Variants in UNC80 observed in about 807,000 individuals in gnomAD.
The protein encoded by UNC80 is unc-80 subunit of NALCN channel complex.
UNC80 carries 164 observed loss-of-function variants against 384.6 expected under a neutral mutation model. The ratio of observed to expected loss-of-function variants is 0.43; its 90% CI spans 0.38 to 0.49. The LOEUF is 0.49. Among genes scored for constraint, UNC80 ranks in the 20% least tolerant of loss-of-function variants. The probability of loss-of-function intolerance (pLI) is 0.00; values close to 1 mark genes in which losing one functional copy is unlikely to be tolerated. For missense variants in UNC80, 3,330 were observed against 4,143.0 expected (o/e 0.80, Z 5.39); for synonymous variants, 1,486 against 1,527.8 (o/e 0.97, Z 0.64).
chr2:209,783,395 C>T (rs1018826177), intron 4 of UNC80, among the ~76,000 whole-genome samples: 20 of 152,072 alleles, frequency 1.3e-4, no homozygotes, highest in African/African-American at 4.8e-4. Context: ...GTTAGGAAGA[C>T]TTACAAAGGA....
intron 39 of UNC80, 92 bp from the exon 40 acceptor site, chr2:209,935,619 ACAT>A: frequency 1.9e-6 from 1 of 521,578 alleles, no homozygotes; most frequent in Non-Finnish European, 3.2e-6. Context: ...AACAGTAAAA[ACAT>A]CAGCTTATTG....
chr2:209,970,808 T>C, intron 53 of UNC80, 24 bp from the exon 54 acceptor site: 1 of 1,549,824 alleles, frequency 6.5e-7, no homozygotes, highest in Non-Finnish European at 8.7e-7. Context: ...TCAAGGCTGG[T>C]CATGTGCTCT....
chr2:209,844,061 T>C lies in UNC80; in HGVS notation c.3454+1615T>C, dbSNP rs577465121. Among the ~76,000 whole-genome samples, 6 of 152,282 alleles carry C rather than the reference T, an allele frequency of 3.9e-5. No homozygotes were observed. In the South Asian group the frequency reaches 1.2e-3, roughly 32 times the overall value. On this transcript the variant is annotated intron_variant, in intron 21 of 64. Transcript: ENST00000673920. ...ATTAGTCTCTGTGGTTTTAAGAATC[T>C]TCCTAATAACCAGGACATTTGTCAT...
intron 55 of UNC80, 43 bp downstream of exon 55, chr2:209,972,367 G>A: frequency 5.8e-6 from 9 of 1,542,618 alleles, no homozygotes; most frequent in Non-Finnish European, 7.9e-6. Flanking sequence ...TTGTTGTTGT[G>A]TTCTCTTAAA....
intron 4 of UNC80, 58 bp from the exon 5 acceptor site, chr2:209,786,008 C>G (rs2077404718): frequency 1.3e-6 from 2 of 1,569,790 alleles, no homozygotes; most frequent in South Asian, 2.4e-5. Context: ...ATTGATTGGT[C>G]CCTTTAAGCA....
chr2:209,943,940 A>G (rs1311196173), intron 45 of UNC80, among the ~76,000 whole-genome samples: 3 of 152,178 alleles, frequency 2.0e-5, no homozygotes, highest in African/African-American at 7.2e-5. Context: ...AGCCTGACTT[A>G]GGCTGGCTTC....
At chr2:209,912,490 G>T in intron 29 of UNC80, 70 bp from the exon 30 acceptor site, 1 of 922,870 alleles carries the variant, frequency 1.1e-6, no homozygotes, top group South Asian at 2.6e-5. Context: ...GGAGAATTGC[G>T]GGGACATATA....
intron 2 of UNC80, among the ~76,000 whole-genome samples, chr2:209,775,054 C>T (rs1254795835): frequency 6.6e-6 from 1 of 152,142 alleles, no homozygotes; most frequent in East Asian, 1.9e-4. Flanking sequence ...CAATCCTGTT[C>T]TTACATGCCA....
intron 13 of UNC80, among the ~76,000 whole-genome samples, chr2:209,823,960 A>G (rs1470503466): frequency 6.6e-6 from 1 of 152,140 alleles, no homozygotes; most frequent in Admixed American, 6.6e-5. Flanking sequence ...ACCTGACCTC[A>G]TGTGACAAGT....
chr2:209,853,943 T>G (rs925866634), intron 22 of UNC80, among the ~76,000 whole-genome samples: 4 of 151,834 alleles, frequency 2.6e-5, no homozygotes, highest in Non-Finnish European at 5.9e-5. Flanking sequence ...TTAGAAGGAG[T>G]GCATATATAA....
chr2:209,954,000 T>G, intron 47 of UNC80, 100 bp from the exon 48 acceptor site: 2 of 1,315,290 alleles, frequency 1.5e-6, no homozygotes, highest in Non-Finnish European at 2.0e-6. Context: ...AGAATTCATA[T>G]ATCTCTAGAT....
intron 7 of UNC80, among the ~76,000 whole-genome samples, chr2:209,810,214 T>C (rs1489553141): frequency 6.6e-6 from 1 of 152,184 alleles, no homozygotes; most frequent in Non-Finnish European, 1.5e-5. Context: ...GTAATGGTTG[T>C]CACTTGTCGG....
chr2:209,931,275 T>G (rs544311734), intron 38 of UNC80, among the ~76,000 whole-genome samples: 3 of 152,100 alleles, frequency 2.0e-5, no homozygotes, highest in Admixed American at 2.0e-4. Context: ...AATATATAAC[T>G]TTCTTATGTT....
chr2:209,985,020 A>G (rs2093255664), intron 61 of UNC80, 108 bp downstream of exon 61: 1 of 928,792 alleles, frequency 1.1e-6, no homozygotes, highest in Non-Finnish European at 1.6e-6. Context: ...CCGTCTTAAT[A>G]TCTATTTCCA....
intron 45 of UNC80, 65 bp downstream of exon 45, chr2:209,943,579 T>C: frequency 1.3e-6 from 2 of 1,533,586 alleles, no homozygotes; most frequent in Non-Finnish European, 1.8e-6. Flanking sequence ...AGGTTATTTA[T>C]TAGAGCTTAC....
chr2:209,946,864 C>T (rs1197822602), intron 47 of UNC80, among the ~76,000 whole-genome samples: 2 of 152,206 alleles, frequency 1.3e-5, no homozygotes, highest in Non-Finnish European at 2.9e-5. Context: ...AAGCCTGTTT[C>T]TCTCTCCCAT....
chr2:209,821,792 G>A (rs1163258559), intron 13 of UNC80, among the ~76,000 whole-genome samples: 2 of 152,050 alleles, frequency 1.3e-5, no homozygotes, highest in Non-Finnish European at 2.9e-5. Flanking sequence ...GTTTCAGCTA[G>A]GAAATGATAT....
At chr2:209,965,070 G>A (rs2092705906) in intron 51 of UNC80, among the ~76,000 whole-genome samples, 1 of 152,066 alleles carries the variant, frequency 6.6e-6, no homozygotes, top group South Asian at 2.1e-4. Context: ...TAAATGATGT[G>A]ATGCTTGGAA....
chr2:209,896,178 C>G, intron 27 of UNC80, 135 bp from the exon 28 acceptor site: 1 of 723,590 alleles, frequency 1.4e-6, no homozygotes, highest in South Asian at 1.6e-5. Context: ...CCAACAAAGT[C>G]AATGCTATGC....
Sources: gnomAD v4.1 joint callset for allele counts (sites outside exome capture counted in the v4.1 genomes callset) on GRCh38, gnomAD v4.1.1 for gene constraint, MANE v1.5 for transcripts, NCBI Gene and HGNC (gene_info 2026-07-23, HGNC 2026-07-21) for gene names.